KDELR3: variants seen among roughly 807,000 people sequenced by gnomAD.
KDELR3 encodes the protein KDEL endoplasmic reticulum protein retention receptor 3, also known as ER lumen protein-retaining receptor 3.
KDELR3 carries 26 observed loss-of-function variants against 22.7 expected under a neutral mutation model. The ratio of observed to expected loss-of-function variants is 1.15; its 90% CI spans 0.84 to 1.59. KDELR3 has a LOEUF of 1.59. Among genes scored for constraint, KDELR3 ranks in the 40% most tolerant of loss-of-function variants. The pLI is 0.00. For missense variants in KDELR3, 289 were observed against 251.1 expected, an observed-to-expected ratio of 1.15 and a Z score of -1.02; for synonymous variants, 120 against 98.2, an observed-to-expected ratio of 1.22 and a Z score of -1.31.
At position 38,471,937 on chromosome 22, in the gene KDELR3, C is replaced by G. The variant is rs569676542; in HGVS notation, c.92-2586C>G. On this transcript the variant is annotated intron_variant, in intron 1 of 4. Coordinates refer to ENST00000216014, the MANE Select transcript of KDELR3 (RefSeq NM_006855.4). ...TGTGATTGTGTCACTGCACTCCAGC[C>G]TGGGTGACAGAGTGAGACCCTGCCT... Among the ~76,000 whole-genome samples, 298 of 152,008 alleles carry G rather than the reference C, an allele frequency of 2.0e-3. 1 individual carries two copies. Among genetic ancestry groups the G allele is most frequent in the African/African-American group, 6.9e-3 (285 of 41,450 alleles).
intron 3 of KDELR3, among the ~76,000 whole-genome samples, chr22:38,480,485 T>C (rs2089591866): frequency 6.6e-6 from 1 of 152,024 alleles, no homozygotes; most frequent in South Asian, 2.1e-4. Flanking sequence ...TTTTATACTA[T>C]GAAACTATCA....
In KDELR3 at chr22:38,481,348, T is replaced by C. The variant is rs751359160; in HGVS notation, c.488T>C (p.Leu163Pro). The C allele has an allele frequency of 6.8e-6, 11 of 1,614,214 alleles. No homozygotes were observed. The South Asian group carries it at 1.2e-4, about 18-fold the overall frequency. Residue 163 changes from leucine (L) to proline (P), a missense_variant, in exon 4 of 5, where the codon CTG becomes CCG. By Grantham distance (98) the Leu-to-Pro change is moderately conservative. Transcript: ENST00000216014. ...FFLGLYRALY[L>P]ANWIRRYQTE... ...CTGGGTCTGTACCGGGCACTCTACC[T>C]GGCTAACTGGATCAGGCGGTACCAG... is the stretch of plus-strand genomic sequence containing the variant.
At chr22:38,468,675 A>G (rs971237964) in intron 1 of KDELR3, among the ~76,000 whole-genome samples, 18 of 151,974 alleles carry the variant, frequency 1.2e-4, no homozygotes, top group Admixed American at 1.2e-3. Flanking sequence ...GGAGAAGCAG[A>G]TATGCACTCA....
At chr22:38,476,440 G>A (rs181501030) in intron 2 of KDELR3, among the ~76,000 whole-genome samples, 2 of 152,076 alleles carry the variant, frequency 1.3e-5, no homozygotes, top group African/African-American at 4.8e-5. Flanking sequence ...GGATGGTCTC[G>A]ATCTCCTGAC....
rs180709960 is a variant in KDELR3 at position 38,480,610 on chromosome 22, G to A, written c.352-602G>A. Among the ~76,000 whole-genome samples the A allele has an allele frequency of 4.6e-5, 7 of 151,892 alleles. No individual in the cohort carries two copies. The East Asian group carries it at 1.2e-3, about 25-fold the overall frequency. ...AAAAATAGAAAAAAAAAAATTAGCC[G>A]AGCGTGGTGGCAGGCGCCTGTAGTC... On this transcript the variant is annotated intron_variant, in intron 3 of 4. Transcript: ENST00000216014.
Position 38,481,226 on chromosome 22 carries a change from CTCTA to C in KDELR3, c.374_377del (p.Tyr125TrpfsTer12), listed in dbSNP as rs573089298. On this transcript the variant is annotated frameshift_variant, in exon 4 of 5. Transcript: ENST00000216014. LOFTEE classifies it high-confidence loss of function. Reference sequence around the variant, plus strand: ...CTTTGGCTCAGATCCTCTGGACTTTCTCTATCTATCTGGAATCAGTGGCTATCCT... The same window carrying C: ...CTTTGGCTCAGATCCTCTGGACTTTCTCTATCTGGAATCAGTGGCTATCCT... The C allele has an allele frequency of 1.7e-4, 282 of 1,613,622 alleles. No individual in the cohort carries two copies. Among genetic ancestry groups the C allele is most frequent in the Admixed American group, 1.6e-3 (96 of 59,992 alleles).
At chr22:38,468,657 G>C (rs892852101) in intron 1 of KDELR3, among the ~76,000 whole-genome samples, 1 of 152,032 alleles carries the variant, frequency 6.6e-6, no homozygotes, top group African/African-American at 2.4e-5. Context: ...TTCCACCATC[G>C]ACTGTGGGGA....
At chr22:38,472,439 T>C (rs899888752) in intron 1 of KDELR3, among the ~76,000 whole-genome samples, 6 of 151,822 alleles carry the variant, frequency 4.0e-5, no homozygotes, top group Admixed American at 1.3e-4. Flanking sequence ...ATCGCACCAC[T>C]GCACTCCAGC....
At chr22:38,474,158 C>A (rs943580031) in intron 1 of KDELR3, among the ~76,000 whole-genome samples, 4 of 152,058 alleles carry the variant, frequency 2.6e-5, no homozygotes, top group African/African-American at 4.8e-5. Flanking sequence ...CAGTGGAACT[C>A]TGGGGGTGGA....
chr22:38,469,168 G>T (rs2089508013), intron 1 of KDELR3, among the ~76,000 whole-genome samples: 1 of 152,238 alleles, frequency 6.6e-6, no homozygotes, highest in Non-Finnish European at 1.5e-5. Flanking sequence ...ACGAGCAGGT[G>T]TCAATCCAGG....
At chr22:38,468,945 T>C (rs1414138711) in intron 1 of KDELR3, among the ~76,000 whole-genome samples, 1 of 152,132 alleles carries the variant, frequency 6.6e-6, no homozygotes, top group Non-Finnish European at 1.5e-5. Flanking sequence ...GGACTCGCGG[T>C]CGCCAACAGA....
intron 2 of KDELR3, 40 bp downstream of exon 2, chr22:38,474,663 G>A (rs1466388236): frequency 6.5e-7 from 1 of 1,527,138 alleles, no homozygotes; most frequent in Admixed American, 1.7e-5. Context: ...AAGCCACCAA[G>A]CCCCCACAAA....
At chr22:38,472,755 A>C (rs2089533039) in intron 1 of KDELR3, among the ~76,000 whole-genome samples, 1 of 152,130 alleles carries the variant, frequency 6.6e-6, no homozygotes, top group Non-Finnish European at 1.5e-5. Context: ...GCTGGAGTGC[A>C]ATGGCACGAT....
At chr22:38,481,643 G>A in intron 4 of KDELR3, 179 bp downstream of exon 4, 1 of 1,457,092 alleles carries the variant, frequency 6.9e-7, no homozygotes, top group Non-Finnish European at 9.0e-7. Flanking sequence ...AAACATGCAG[G>A]CCAATAGGTT....
intron 1 of KDELR3, among the ~76,000 whole-genome samples, chr22:38,469,612 G>C (rs960580172): frequency 6.6e-6 from 1 of 152,062 alleles, no homozygotes; most frequent in Admixed American, 6.5e-5. Flanking sequence ...AATGCTGAGT[G>C]GGGGACCCGG....
intron 1 of KDELR3, among the ~76,000 whole-genome samples, chr22:38,469,363 C>T (rs1025409129): frequency 6.6e-6 from 1 of 152,090 alleles, no homozygotes; most frequent in African/African-American, 2.4e-5. Flanking sequence ...CTGGGGAGCC[C>T]TTCATGGTTT....
At chr22:38,468,739 A>C (rs530242985) in intron 1 of KDELR3, among the ~76,000 whole-genome samples, 3 of 150,246 alleles carry the variant, frequency 2.0e-5, no homozygotes, top group East Asian at 1.9e-4. Flanking sequence ...CCCAGACCCC[A>C]CCCCGCCCCC....
intron 1 of KDELR3, among the ~76,000 whole-genome samples, chr22:38,469,750 C>T (rs989600091): frequency 2.6e-5 from 4 of 152,248 alleles, no homozygotes; most frequent in Non-Finnish European, 4.4e-5. Flanking sequence ...CTGCCAGACA[C>T]TGCTGGGCAC....
At chr22:38,481,844 G>C (rs905318793) in intron 4 of KDELR3, among the ~76,000 whole-genome samples, 1 of 152,210 alleles carries the variant, frequency 6.6e-6, no homozygotes, top group Admixed American at 6.5e-5. Flanking sequence ...TAGGGCAGGG[G>C]TGTCCAACCT....
Sources: allele counts gnomAD v4.1 joint callset (sites outside exome capture counted in the v4.1 genomes callset), GRCh38; gene constraint gnomAD v4.1.1; transcripts MANE v1.5; gene names NCBI Gene and HGNC (gene_info 2026-07-23, HGNC 2026-07-21).